Variants in MERTK observed in about 807,000 individuals in gnomAD.
MERTK encodes MER proto-oncogene, tyrosine kinase, also known as tyrosine-protein kinase Mer.
Under a neutral mutation model 99.3 loss-of-function variants are expected in MERTK, and 69 were observed. The ratio of observed to expected loss-of-function variants is 0.70; its 90% CI spans 0.57 to 0.85. The LOEUF (loss-of-function observed/expected upper bound fraction) is 0.85. MERTK is among the 40% of genes least tolerant of loss of function. The probability of loss-of-function intolerance (pLI) is 0.00; values close to 1 mark genes in which losing one functional copy is unlikely to be tolerated. For synonymous variants in MERTK, 426 were observed against 467.6 expected, an observed-to-expected ratio of 0.91 and a Z score of 1.15; for missense variants, 1,125 against 1,249.4, an observed-to-expected ratio of 0.90 and a Z score of 1.50.
intron 4 of MERTK, among the ~76,000 whole-genome samples, chr2:111,959,917 C>T (rs185579099): frequency 1.2e-4 from 18 of 152,272 alleles, no homozygotes; most frequent in Admixed American, 1.1e-3. Flanking sequence ...CAAAAATACA[C>T]AAGCATACAC....
rs556375232 is a variant in MERTK, at chr2:111,959,480, G to T, written c.758-5711G>T. On this transcript the variant is annotated intron_variant, in intron 4 of 18. Transcript: ENST00000295408. The stretch of plus-strand genomic sequence containing the variant: ...TTGTTTGTTTGTTTGTTTCTTTTTG[G>T]TTTTTTGTTTGTTTGTTTTTGTGTG... Among the ~76,000 whole-genome samples the T allele has an allele frequency of 5.1e-4, 77 of 151,744 alleles. 1 individual carries two copies. The highest frequency in any genetic ancestry group is 1.1e-3 in the Admixed American group (17 of 15,214).
At chr2:111,916,129 T>C (rs1010105105) in intron 1 of MERTK, among the ~76,000 whole-genome samples, 5 of 152,194 alleles carry the variant, frequency 3.3e-5, no homozygotes, top group Admixed American at 6.5e-5. Flanking sequence ...TTTCTTTATT[T>C]TTTTGAAACA....
intron 12 of MERTK, 170 bp downstream of exon 12, chr2:112,003,357 A>T: frequency 1.9e-6 from 1 of 520,420 alleles, no homozygotes; most frequent in Non-Finnish European, 3.4e-6. Context: ...TTTGAAACTC[A>T]GATCTGGCAC....
intron 2 of MERTK, among the ~76,000 whole-genome samples, chr2:111,931,511 C>T (rs1684670301): frequency 6.6e-6 from 1 of 152,062 alleles, no homozygotes; most frequent in South Asian, 2.1e-4. Context: ...CGTAGTGAAA[C>T]CCCATCTCTA....
At position 111,987,817 on chromosome 2, in the gene MERTK, C is replaced by T. The variant is rs908515; in HGVS notation, c.1296+4824C>T. Among the ~76,000 whole-genome samples, 644 of 152,204 alleles carry T rather than the reference C, an allele frequency of 4.2e-3. 7 individuals are homozygous for T. Among genetic ancestry groups the T allele is most frequent in the African/African-American group, 0.014 (589 of 41,508 alleles). ...ACTCTGTTTAACTTTGACCCAGAAT[C>T]GTCTAAATGTTAGGCAGAGACACAT... On this transcript the variant is annotated intron_variant, in intron 8 of 18. Coordinates refer to ENST00000295408, the MANE Select transcript of MERTK (RefSeq NM_006343.3).
intron 4 of MERTK, among the ~76,000 whole-genome samples, chr2:111,956,144 C>G (rs955966934): frequency 6.6e-6 from 1 of 152,036 alleles, no homozygotes; most frequent in Admixed American, 6.6e-5. Context: ...GGTAAGAGCT[C>G]TAGCTTTGGC....
intron 2 of MERTK, chr2:111,940,985 T>A (rs1684855958): frequency 1.7e-6 from 1 of 599,328 alleles, no homozygotes; most frequent in South Asian, 1.5e-5. Flanking sequence ...TCTTTGCAGT[T>A]GAAACCGGCG....
rs11459119 is a variant in MERTK, at chr2:111,901,559, C to CTT, written c.61+2778_61+2779dup. 2.5e-3 allele frequency among the ~76,000 whole-genome samples: 322 copies of CTT among 131,164 alleles called. 5 individuals carry two copies. The highest frequency in any genetic ancestry group is 4.7e-3 in the South Asian group (19 of 4,080). 86.0% of individuals were successfully genotyped at this position (131,164 alleles called of 152,430 possible). On this transcript the variant is annotated intron_variant, in intron 1 of 18. Transcript: ENST00000295408. Reference sequence around the variant, plus strand: ...TGGAATTCTTTTCTTTTCTTTCTTTCTTTTTTTTTTTTTTTTGGCAGGTTC... The same window carrying CTT: ...TGGAATTCTTTTCTTTTCTTTCTTTCTTTTTTTTTTTTTTTTTTGGCAGGTTC...
intron 4 of MERTK, among the ~76,000 whole-genome samples, chr2:111,958,563 T>A (rs1222430343): frequency 6.6e-6 from 1 of 152,214 alleles, no homozygotes; most frequent in Non-Finnish European, 1.5e-5. Flanking sequence ...ACCAACCACC[T>A]GACCTTGTAC....
intron 12 of MERTK, 72 bp downstream of exon 12, chr2:112,003,259 A>G: frequency 2.7e-6 from 2 of 748,044 alleles, no homozygotes; most frequent in Non-Finnish European, 4.9e-6. Context: ...TCTTTAACAT[A>G]TATTTATTAA....
At chr2:111,898,920 T>G in intron 1 of MERTK, 124 bp downstream of exon 1, 1 of 991,930 alleles carries the variant, frequency 1.0e-6, no homozygotes, top group Non-Finnish European at 1.4e-6. Context: ...GCAAACACCC[T>G]CCACCCACTG....
intron 6 of MERTK, among the ~76,000 whole-genome samples, chr2:111,973,778 C>G (rs549926484): frequency 6.6e-6 from 1 of 152,042 alleles, no homozygotes; most frequent in South Asian, 2.1e-4. Context: ...CATACCCAGA[C>G]AGGAGGTATG....
chr2:112,024,684 T>C (rs1298984743), intron 18 of MERTK, among the ~76,000 whole-genome samples: 1 of 152,210 alleles, frequency 6.6e-6, no homozygotes, highest in Non-Finnish European at 1.5e-5. Context: ...ATCCTAGCAC[T>C]TTGGGAGGCC....
chr2:111,983,394 A>G (rs1351160734), intron 8 of MERTK, among the ~76,000 whole-genome samples: 2 of 152,144 alleles, frequency 1.3e-5, no homozygotes, highest in East Asian at 3.9e-4. Context: ...CCTTTTGGAA[A>G]TTTCATGGGA....
chr2:111,923,741 C>G (rs914705663), intron 1 of MERTK, among the ~76,000 whole-genome samples: 2 of 152,110 alleles, frequency 1.3e-5, no homozygotes, highest in East Asian at 1.9e-4. Flanking sequence ...TGTGGGTAAG[C>G]CTTTCAGTCT....
chr2:111,960,280 A>C (rs950695665), intron 4 of MERTK, among the ~76,000 whole-genome samples: 1 of 152,130 alleles, frequency 6.6e-6, no homozygotes, highest in Admixed American at 6.5e-5. Flanking sequence ...CAGGAGTTCA[A>C]GACCAGCCTG....
At chr2:112,023,405 C>T (rs1288402237) in intron 18 of MERTK, among the ~76,000 whole-genome samples, 1 of 151,978 alleles carries the variant, frequency 6.6e-6, no homozygotes, top group Admixed American at 6.5e-5. Flanking sequence ...CAGAGTAAAA[C>T]TCCATCTCAA....
chr2:111,998,737 A>T (rs1395651541), intron 10 of MERTK, among the ~76,000 whole-genome samples: 1 of 152,216 alleles, frequency 6.6e-6, no homozygotes, highest in Non-Finnish European at 1.5e-5. Context: ...CATTACCAAA[A>T]AGTGGGGCTG....
intron 11 of MERTK, among the ~76,000 whole-genome samples, chr2:112,002,819 A>G (rs1573633166): frequency 6.6e-6 from 1 of 152,272 alleles, no homozygotes; most frequent in South Asian, 2.1e-4. Flanking sequence ...CTGAAAATAC[A>G]TAAATTAGCT....
Sources: allele counts gnomAD v4.1 joint callset (sites outside exome capture counted in the v4.1 genomes callset), GRCh38; gene constraint gnomAD v4.1.1; transcripts MANE v1.5; gene names NCBI Gene and HGNC (gene_info 2026-07-23, HGNC 2026-07-21).